The following WDFY3 variants were observed in gnomAD, a reference collection of about 807,000 sequenced individuals.
WDFY3 encodes WD repeat and FYVE domain-containing protein 3.
A neutral mutation model predicts 409.6 loss-of-function variants in WDFY3; 66 were observed. The ratio of observed to expected loss-of-function variants is 0.16; its 90% CI spans 0.13 to 0.20. WDFY3 has a LOEUF of 0.20. WDFY3 is among the 10% of genes least tolerant of loss of function. WDFY3 has a pLI of 1.00. For missense variants in WDFY3, 3,031 were observed against 4,298.1 expected (o/e 0.71, Z 8.24); for synonymous variants, 1,521 against 1,537.1 (o/e 0.99, Z 0.25).
intron 57 of WDFY3, 98 bp downstream of exon 57, chr4:84,696,634 T>C (rs1395994927): frequency 1.6e-6 from 2 of 1,227,600 alleles, no homozygotes; most frequent in Non-Finnish European, 2.3e-6. Flanking sequence ...GCTGTATTAG[T>C]AACAAACAGG....
At chr4:84,841,383 C>T in intron 5 of WDFY3, 120 bp from the exon 6 acceptor site, 1 of 764,622 alleles carries the variant, frequency 1.3e-6, no homozygotes, top group Non-Finnish European at 2.1e-6. Context: ...AGCACTATTA[C>T]ATATAGAAAA....
At chr4:84,714,725 C>T (rs577213151) in intron 50 of WDFY3, among the ~76,000 whole-genome samples, 171 of 151,958 alleles carry the variant, frequency 1.1e-3, no homozygotes, top group African/African-American at 4.0e-3. Flanking sequence ...CCGAGGTGGG[C>T]AGATCACAAG....
At chr4:84,696,862 G>C (rs769876807) in intron 56 of WDFY3, 39 bp from the exon 57 acceptor site, 2 of 1,548,444 alleles carry the variant, frequency 1.3e-6, no homozygotes, top group Admixed American at 3.4e-5. Flanking sequence ...AAAAAAGAAA[G>C]AATGGGATAA....
Position 84,718,429 on chromosome 4 carries a change from G to A in WDFY3, c.7747C>T (p.Pro2583Ser). The A allele has an allele frequency of 1.9e-6, 3 of 1,612,934 alleles. No homozygotes were observed. Among genetic ancestry groups the A allele is most frequent in the Non-Finnish European group, 2.5e-6 (3 of 1,179,428 alleles). The part of the protein sequence containing the change: ...TREIRDIETL[P>S]PNMHEPIIPR... ...CTTCATTCATTTACTTACTTTGGAG[G>A]TAAGGTTTCAATATCTCTTATTTCC... Residue 2583 changes from proline (P) to serine (S), a missense_variant, in exon 48 of 68, where the codon CCT (proline) becomes TCT (serine). By Grantham distance (74) the Pro-to-Ser change is moderately conservative (BLOSUM62 -1). Transcript: ENST00000295888.
intron 44 of WDFY3, 73 bp downstream of exon 44, chr4:84,733,309 A>G: frequency 6.6e-7 from 1 of 1,505,162 alleles, no homozygotes; most frequent in Non-Finnish European, 9.0e-7. Context: ...TTGACTAAAT[A>G]GAGAAAAAAC....
chr4:84,868,951 G>C (rs1367447381), intron 3 of WDFY3, among the ~76,000 whole-genome samples: 1 of 152,164 alleles, frequency 6.6e-6, no homozygotes, highest in African/African-American at 2.4e-5. Flanking sequence ...TTAAAATTTT[G>C]TATAAAAGAT....
At chr4:84,683,679 G>A (rs1361271547) in intron 63 of WDFY3, among the ~76,000 whole-genome samples, 1 of 152,164 alleles carries the variant, frequency 6.6e-6, no homozygotes, top group Non-Finnish European at 1.5e-5. Flanking sequence ...AGTGTGACAT[G>A]GGAATCATGT....
chr4:84,951,394 T>C (rs1056245130), intron 1 of WDFY3, among the ~76,000 whole-genome samples: 1 of 152,246 alleles, frequency 6.6e-6, no homozygotes, highest in Non-Finnish European at 1.5e-5. Flanking sequence ...GATTATCTGA[T>C]GCCAGAGCAG....
intron 12 of WDFY3, among the ~76,000 whole-genome samples, chr4:84,818,075 AAATTCTGTAACAG>A (rs1183588739): frequency 6.6e-6 from 1 of 152,190 alleles, no homozygotes; most frequent in African/African-American, 2.4e-5. Flanking sequence ...AAAAAGTGAC[AAATTCTGTAACAG>A]AAGTATGTGT....
chr4:84,722,344 G>A (rs558873097), intron 46 of WDFY3, among the ~76,000 whole-genome samples: 1 of 152,124 alleles, frequency 6.6e-6, no homozygotes, highest in East Asian at 1.9e-4. Flanking sequence ...CTGAGATCAC[G>A]CCACTGCACT....
intron 1 of WDFY3, among the ~76,000 whole-genome samples, chr4:84,949,646 G>A (rs1032267520): frequency 1.3e-5 from 2 of 152,062 alleles, no homozygotes; most frequent in Non-Finnish European, 2.9e-5. Flanking sequence ...GCCAAAAAAT[G>A]GGACTCCTAT....
rs571955875 is a variant in WDFY3 at position 84,759,061 on chromosome 4, A to G, written c.5189-1900T>C. Among the ~76,000 whole-genome samples, 208 of 152,300 alleles carry G rather than the reference A, an allele frequency of 1.4e-3. 1 individual carries two copies. The highest frequency in any genetic ancestry group is 4.8e-3 in the African/African-American group (200 of 41,554). ...CCCAGCACCATTTATTGAACAGGGA[A>G]TCCTTTCCCCATTGCTTGTTTTTCT... is the stretch of plus-strand genomic sequence containing the variant. On this transcript the variant is annotated intron_variant, in intron 32 of 67. Coordinates refer to ENST00000295888, the MANE Select transcript of WDFY3 (RefSeq NM_014991.6).
chr4:84,771,564 T>C (rs1000013388), intron 30 of WDFY3, among the ~76,000 whole-genome samples: 1 of 152,242 alleles, frequency 6.6e-6, no homozygotes, highest in African/African-American at 2.4e-5. Flanking sequence ...TTGCATTTCG[T>C]AGGAAAATGT....
chr4:84,749,026 A>G (rs1740015125), intron 36 of WDFY3, among the ~76,000 whole-genome samples: 1 of 151,938 alleles, frequency 6.6e-6, no homozygotes, highest in African/African-American at 2.4e-5. Flanking sequence ...AGTAGGTAGG[A>G]TACAGGCACG....
At chr4:84,888,942 T>C (rs1209226215) in intron 3 of WDFY3, among the ~76,000 whole-genome samples, 1 of 152,208 alleles carries the variant, frequency 6.6e-6, no homozygotes, top group Non-Finnish European at 1.5e-5. Context: ...TCTTCTTTTC[T>C]TCTCTTCTTT....
At chr4:84,813,509 T>C (rs981183744) in intron 13 of WDFY3, among the ~76,000 whole-genome samples, 2 of 152,168 alleles carry the variant, frequency 1.3e-5, no homozygotes, top group Non-Finnish European at 1.5e-5. Context: ...TATAATGGTG[T>C]ACTACTGTGC....
intron 24 of WDFY3, among the ~76,000 whole-genome samples, 160 bp from the exon 25 acceptor site, chr4:84,783,234 C>T (rs1030575556): frequency 3.9e-5 from 6 of 152,150 alleles, no homozygotes; most frequent in African/African-American, 1.4e-4. Context: ...TGGCTCATGC[C>T]TATAATCCTA....
intron 3 of WDFY3, among the ~76,000 whole-genome samples, chr4:84,867,927 T>C (rs540084802): frequency 6.6e-6 from 1 of 152,118 alleles, no homozygotes; most frequent in Admixed American, 6.5e-5. Context: ...TCCCAGCACT[T>C]TGGGAGGTCA....
Position 84,794,383 on chromosome 4 carries a change from A to G in WDFY3, c.3487+136T>C, listed in dbSNP as rs1340497793. ...AAAATTCACTGGTAAGCAATATTCA[A>G]TGTTTTATGTAACTTGTTCTATGCT... On this transcript the variant is annotated intron_variant, in intron 21 of 67. Coordinates refer to ENST00000295888, the MANE Select transcript of WDFY3 (RefSeq NM_014991.6). 9.0e-6 allele frequency: 8 copies of G among 892,080 alleles called. No homozygotes were observed. In the East Asian group the frequency reaches 1.6e-4, roughly 18 times the overall value. The allele number at this position is 892,080 out of a possible 1,614,324, so 55.3% of individuals were successfully genotyped here.
Sources: allele counts gnomAD v4.1 joint callset (sites outside exome capture counted in the v4.1 genomes callset), GRCh38; gene constraint gnomAD v4.1.1; transcripts MANE v1.5; gene names NCBI Gene and HGNC (gene_info 2026-07-23, HGNC 2026-07-21).